HERC1: variants seen among roughly 807,000 people sequenced by gnomAD.
HERC1 encodes HECT and RLD domain containing E3 ubiquitin protein ligase family member 1.
Under a neutral mutation model 554.3 loss-of-function variants are expected in HERC1, and 160 were observed. The observed-to-expected ratio is 0.29, with a 90% CI of 0.25 to 0.33. The LOEUF is 0.33. HERC1 is among the 10% of genes least tolerant of loss of function. The probability of loss-of-function intolerance (pLI) is 1.00; values close to 1 mark genes in which losing one functional copy is unlikely to be tolerated. For synonymous variants in HERC1, 2,175 were observed against 2,131.7 expected (o/e 1.02, Z -0.56); for missense variants, 4,919 against 5,918.5 (o/e 0.83, Z 5.54).
chr15:63,709,165 A>ATT (rs201668167), intron 24 of HERC1, among the ~76,000 whole-genome samples: 1 of 150,964 alleles, frequency 6.6e-6, no homozygotes, highest in African/African-American at 2.4e-5. Context: ...ATATATATAT[A>ATT]TTTTTTATTT....
chr15:63,676,782 A>G (rs1383130238), intron 37 of HERC1, among the ~76,000 whole-genome samples: 1 of 152,176 alleles, frequency 6.6e-6, no homozygotes, highest in African/African-American at 2.4e-5. Context: ...AAATCAAATA[A>G]AATTTAAAAA....
Position 63,791,757 on chromosome 15 carries a change from A to G in HERC1, c.-26-16108T>C, listed in dbSNP as rs546033560. On this transcript the variant is annotated intron_variant, in intron 1 of 77. Transcript: ENST00000443617. Reference sequence around the variant, plus strand: ...ACTATAATCAGCAGTCCCTCTCTCAATGTGAAAATTTAGAATGAATTTTTT... The same window carrying G: ...ACTATAATCAGCAGTCCCTCTCTCAGTGTGAAAATTTAGAATGAATTTTTT... Among the ~76,000 whole-genome samples, 7 of 152,326 alleles carry G rather than the reference A, an allele frequency of 4.6e-5. No individual in the cohort carries two copies. In the East Asian group the frequency reaches 9.6e-4, roughly 21 times the overall value.
chr15:63,802,112 G>C (rs1468011786), intron 1 of HERC1, among the ~76,000 whole-genome samples: 1 of 151,970 alleles, frequency 6.6e-6, no homozygotes, highest in East Asian at 1.9e-4. Context: ...CATTTGCAAA[G>C]TTCTATAACT....
intron 2 of HERC1, among the ~76,000 whole-genome samples, chr15:63,769,786 G>A (rs1160284205): frequency 6.6e-6 from 1 of 152,208 alleles, no homozygotes; most frequent in East Asian, 1.9e-4. Flanking sequence ...AACCCGGGAG[G>A]TGGAAGTTGC....
Position 63,638,828 on chromosome 15 carries a change from T to C in HERC1, c.11902-52A>G, listed in dbSNP as rs1197654927. ...CAATTCTGCTTAGGCAAGATGCACC[T>C]GCTCTTAACCACAAAGTCCTCTTCT... On this transcript the variant is annotated intron_variant, in intron 61 of 77. Coordinates refer to ENST00000443617, the MANE Select transcript of HERC1 (RefSeq NM_003922.4). The C allele has an allele frequency of 5.5e-6, 7 of 1,275,188 alleles. No homozygotes were observed. The South Asian group carries it at 8.3e-5, about 15-fold the overall frequency. 79.0% of individuals were successfully genotyped at this position (1,275,188 alleles called of 1,614,324 possible). A position where few individuals can be genotyped will look rare whatever the true frequency, so the allele number is the denominator to read the frequency against.
At chr15:63,832,388 G>GACAT (rs2078187978) in intron 1 of HERC1, among the ~76,000 whole-genome samples, 1 of 152,000 alleles carries the variant, frequency 6.6e-6, no homozygotes, top group African/African-American at 2.4e-5. Flanking sequence ...ATATCAAAGA[G>GACAT]ACATACTCAT....
intron 1 of HERC1, among the ~76,000 whole-genome samples, chr15:63,800,744 A>C (rs550705389): frequency 6.6e-6 from 1 of 152,244 alleles, no homozygotes; most frequent in South Asian, 2.1e-4. Flanking sequence ...GGTGTTCGTA[A>C]TTTCCTTTGT....
At chr15:63,737,528 T>G (rs1253884058) in intron 12 of HERC1, among the ~76,000 whole-genome samples, 1 of 117,756 alleles carries the variant, frequency 8.5e-6, no homozygotes, top group Admixed American at 8.4e-5. Context: ...TATATATATA[T>G]ATATATATAT....
intron 16 of HERC1, among the ~76,000 whole-genome samples, chr15:63,728,523 G>T (rs975951846): frequency 6.6e-6 from 1 of 152,040 alleles, no homozygotes; most frequent in Non-Finnish European, 1.5e-5. Context: ...TTTTTTCAGT[G>T]GGGGAACTTC....
At chr15:63,674,183 A>G (rs928846325) in intron 38 of HERC1, among the ~76,000 whole-genome samples, 159 bp downstream of exon 38, 1 of 148,560 alleles carries the variant, frequency 6.7e-6, no homozygotes, top group Non-Finnish European at 1.5e-5. Context: ...AAATAATAAA[A>G]AAGAACTGTT....
intron 50 of HERC1, among the ~76,000 whole-genome samples, chr15:63,655,284 G>A (rs1223932585): frequency 1.3e-5 from 2 of 152,204 alleles, no homozygotes; most frequent in Non-Finnish European, 2.9e-5. Flanking sequence ...AGCCCAGGAG[G>A]TGGAGGTTGT....
Position 63,774,608 on chromosome 15 carries a change from T to C in HERC1, c.930+86A>G, listed in dbSNP as rs2076064094. On this transcript the variant is annotated intron_variant, in intron 2 of 77. Coordinates refer to ENST00000443617, the MANE Select transcript of HERC1 (RefSeq NM_003922.4). ...ACAATCACCAAAAGTCTCAAATCAT[T>C]CACTATTACCACCAATTCATTAAAA... The C allele has an allele frequency of 7.3e-6, 7 of 958,548 alleles. No individual in the cohort carries two copies. In the South Asian group the frequency reaches 1.3e-4, roughly 17 times the overall value. The allele number at this position is 958,548 out of a possible 1,614,324, so 59.4% of individuals were successfully genotyped here. A position where few individuals can be genotyped will look rare whatever the true frequency, so the allele number is the denominator to read the frequency against.
chr15:63,813,384 C>T (rs7178104), intron 1 of HERC1, among the ~76,000 whole-genome samples: 122,934 of 151,242 alleles, frequency 0.81, 51,754 homozygotes, highest in Non-Finnish European at 0.87. Context: ...AGAGCCCATA[C>T]ATAGATTACT....
intron 24 of HERC1, among the ~76,000 whole-genome samples, chr15:63,707,806 G>GT (rs1455677895): frequency 6.6e-6 from 1 of 151,802 alleles, no homozygotes; most frequent in Admixed American, 6.6e-5. Flanking sequence ...GCACACGCCT[G>GT]TAATCCCAGC....
At position 63,764,263 on chromosome 15, in the gene HERC1, C is replaced by G. The variant is rs567036938; in HGVS notation, c.931-72G>C. On this transcript the variant is annotated intron_variant, in intron 2 of 77. Coordinates refer to ENST00000443617, the MANE Select transcript of HERC1 (RefSeq NM_003922.4). ...TATGCATTAAAATTAGTTAAACAGT[C>G]TACAAAAACAACACCTATTTGAAGA... The G allele has an allele frequency of 4.0e-6, 4 of 1,008,314 alleles. No individual in the cohort carries two copies. In the South Asian group the frequency reaches 5.6e-5, roughly 14 times the overall value. 62.5% of individuals were successfully genotyped at this position (1,008,314 alleles called of 1,614,324 possible). A position where few individuals can be genotyped will look rare whatever the true frequency, so the allele number is the denominator to read the frequency against.
In HERC1 at chr15:63,616,559, C is replaced by T. The variant is rs369953941; in HGVS notation, c.13812G>A (p.Val4604=). 6.2e-7 allele frequency: 1 copy of T among 1,614,008 alleles called. No individual in the cohort carries two copies. Among genetic ancestry groups the T allele is most frequent in the East Asian group, 2.2e-5 (1 of 44,882 alleles). ...KPLDLHLAPL[V]WKQLCCVPLT... ...GTGGGACACAGCACAGCTGCTTCCA[C>T]ACCAGAGGGGCCAAGTGGAGGTCCA... Residue 4604 remains valine, a synonymous_variant, in exon 75 of 78, where the codon GTG becomes GTA. Coordinates refer to ENST00000443617, the MANE Select transcript of HERC1 (RefSeq NM_003922.4).
chr15:63,726,713 C>T (rs1055574752), intron 17 of HERC1, among the ~76,000 whole-genome samples: 2 of 151,958 alleles, frequency 1.3e-5, no homozygotes, highest in Admixed American at 6.6e-5. Flanking sequence ...AACAAAACAC[C>T]AGGGCCAGAT....
intron 8 of HERC1, among the ~76,000 whole-genome samples, chr15:63,751,060 C>T (rs193027837): frequency 2.6e-4 from 39 of 152,240 alleles, no homozygotes; most frequent in African/African-American, 4.6e-4. Flanking sequence ...CTAAAGATAA[C>T]GACAGTGAAA....
At chr15:63,626,989 TGGA>T (rs1017935536) in intron 70 of HERC1, among the ~76,000 whole-genome samples, 1 of 152,154 alleles carries the variant, frequency 6.6e-6, no homozygotes, top group Non-Finnish European at 1.5e-5. Flanking sequence ...AGATCATATG[TGGA>T]GGAGCTGGGA....
Sources: allele counts gnomAD v4.1 joint callset (sites outside exome capture counted in the v4.1 genomes callset), GRCh38; gene constraint gnomAD v4.1.1; transcripts MANE v1.5; gene names NCBI Gene and HGNC (gene_info 2026-07-23, HGNC 2026-07-21).